The following CHRM5 variants were observed in gnomAD, a reference collection of about 807,000 sequenced individuals.
CHRM5 encodes muscarinic acetylcholine receptor M5.
In CHRM5, 18 loss-of-function variants were observed where a neutral mutation model predicts 39.0. The ratio of observed to expected loss-of-function variants is 0.46; its 90% confidence interval spans 0.32 to 0.68. The LOEUF (loss-of-function observed/expected upper bound fraction) is 0.68, where lower values mean the gene tolerates loss of function less well. Ranked by LOEUF, CHRM5 falls within the 30% of genes least tolerant of loss-of-function variation. The pLI is 0.04. For synonymous variants in CHRM5, 241 were observed against 246.3 expected (o/e 0.98, Z 0.20); for missense variants, 515 against 651.1 (o/e 0.79, Z 2.28).
chr15:33,979,263 T>G (rs921962086), intron 1 of CHRM5, among the ~76,000 whole-genome samples: 1 of 152,230 alleles, frequency 6.6e-6, no homozygotes, highest in African/African-American at 2.4e-5. Context: ...GTCCCATGCC[T>G]GCAATCCCAG....
At chr15:34,060,474 C>T (rs140682230) in intron 2 of CHRM5, among the ~76,000 whole-genome samples, 16 of 152,322 alleles carry the variant, frequency 1.1e-4, no homozygotes, top group African/African-American at 3.6e-4. Flanking sequence ...GCAAATTTGT[C>T]ACCTTTCTGT....
chr15:33,969,530 A>G (rs1480480136), intron 1 of CHRM5, among the ~76,000 whole-genome samples: 2 of 151,958 alleles, frequency 1.3e-5, no homozygotes, highest in Non-Finnish European at 2.9e-5. Flanking sequence ...ACTTGATAAA[A>G]CAAAGAAAAA....
chr15:34,007,466 T>C (rs1897406468), intron 1 of CHRM5, among the ~76,000 whole-genome samples: 1 of 152,224 alleles, frequency 6.6e-6, no homozygotes, highest in Admixed American at 6.5e-5. Flanking sequence ...TTTCCTCTAG[T>C]GTCCATTAAC....
intron 2 of CHRM5, among the ~76,000 whole-genome samples, chr15:34,061,336 G>C (rs537868504): frequency 8.1e-4 from 123 of 152,188 alleles, no homozygotes; most frequent in Non-Finnish European, 1.4e-3. Context: ...ATTAAATATA[G>C]TACATCCATT....
intron 1 of CHRM5, among the ~76,000 whole-genome samples, chr15:34,019,975 CAA>C (rs1567471420): frequency 1.3e-5 from 2 of 152,172 alleles, no homozygotes; most frequent in Non-Finnish European, 2.9e-5. Flanking sequence ...ACAACAAGTT[CAA>C]AAGAGTCTTG....
intron 2 of CHRM5, among the ~76,000 whole-genome samples, chr15:34,058,087 A>G (rs1597392922): frequency 6.6e-6 from 1 of 152,188 alleles, no homozygotes; most frequent in African/African-American, 2.4e-5. Context: ...GTTTGGTGAC[A>G]GAATTCCTTG....
At chr15:34,009,120 GA>G (rs923600036) in intron 1 of CHRM5, among the ~76,000 whole-genome samples, 1 of 151,334 alleles carries the variant, frequency 6.6e-6, no homozygotes, top group African/African-American at 2.4e-5. Context: ...GTGTTGCTAG[GA>G]AAAAAAATAA....
At chr15:34,006,864 G>T (rs901052435) in intron 1 of CHRM5, among the ~76,000 whole-genome samples, 9 of 152,174 alleles carry the variant, frequency 5.9e-5, no homozygotes, top group Admixed American at 2.0e-4. Flanking sequence ...AGGTTTTATA[G>T]GTTCATTGTG....
At chr15:33,991,263 C>T (rs1896709356) in intron 1 of CHRM5, 1 of 152,030 alleles carries the variant, frequency 6.6e-6, no homozygotes, top group Admixed American at 6.5e-5. Flanking sequence ...AAATACAGAC[C>T]TTCTAACACT....
intron 1 of CHRM5, among the ~76,000 whole-genome samples, chr15:33,984,648 C>G (rs60551319): frequency 6.6e-6 from 1 of 152,132 alleles, no homozygotes; most frequent in Non-Finnish European, 1.5e-5. Context: ...GTGATCCACC[C>G]GTCTTGGCCT....
At chr15:34,025,176 A>C (rs1898400593) in intron 1 of CHRM5, among the ~76,000 whole-genome samples, 1 of 152,190 alleles carries the variant, frequency 6.6e-6, no homozygotes, top group African/African-American at 2.4e-5. Flanking sequence ...TCTCAAAAAA[A>C]AGGGTGGCAT....
chr15:33,974,728 T>A (rs895002691), intron 1 of CHRM5, among the ~76,000 whole-genome samples: 2 of 152,172 alleles, frequency 1.3e-5, no homozygotes, highest in African/African-American at 4.8e-5. Flanking sequence ...ATCCCAGCAC[T>A]TTGGGAGGCC....
intron 1 of CHRM5, among the ~76,000 whole-genome samples, chr15:34,000,091 T>C (rs946186648): frequency 1.3e-5 from 2 of 152,198 alleles, no homozygotes; most frequent in Non-Finnish European, 2.9e-5. Flanking sequence ...ACTTTTCCCA[T>C]AGATATCCTC....
intron 1 of CHRM5, among the ~76,000 whole-genome samples, chr15:34,000,456 C>A (rs993632693): frequency 1.3e-5 from 2 of 152,146 alleles, no homozygotes. Context: ...ATGACGAACA[C>A]CAGGAACTCT....
chr15:34,025,629 A>T (rs2140735730), intron 1 of CHRM5, among the ~76,000 whole-genome samples: 1 of 152,332 alleles, frequency 6.6e-6, no homozygotes, highest in East Asian at 1.9e-4. Flanking sequence ...AATGGTTATA[A>T]AAGATTTCCT....
intron 1 of CHRM5, chr15:34,003,068 T>G: frequency 6.2e-7 from 1 of 1,614,038 alleles, no homozygotes; most frequent in East Asian, 2.2e-5. Context: ...TCTGTTCCCC[T>G]CTGTGACTCT....
intron 1 of CHRM5, among the ~76,000 whole-genome samples, chr15:34,014,367 T>A (rs1223816797): frequency 2.9e-4 from 4 of 13,576 alleles, no homozygotes; most frequent in Admixed American, 1.7e-3. Context: ...TCCATCTCAT[T>A]AAAAAAAAAA....
intron 1 of CHRM5, among the ~76,000 whole-genome samples, chr15:33,983,131 T>C (rs1021559045): frequency 4.1e-5 from 4 of 97,702 alleles, no homozygotes; most frequent in Non-Finnish European, 6.1e-5. Flanking sequence ...CCATACTCTG[T>C]GTGTGTGTGT....
chr15:34,051,278 A>G (rs992048615), intron 2 of CHRM5, among the ~76,000 whole-genome samples: 5 of 136,396 alleles, frequency 3.7e-5, no homozygotes, highest in Non-Finnish European at 7.8e-5. Context: ...GACAGAAATC[A>G]AGAAGTTCTT....
Sources: allele counts gnomAD v4.1 joint callset (sites outside exome capture counted in the v4.1 genomes callset), GRCh38; gene constraint gnomAD v4.1.1; transcripts MANE v1.5; gene names NCBI Gene and HGNC (gene_info 2026-07-23, HGNC 2026-07-21).